CRISPLD1: variants seen among roughly 807,000 people sequenced by gnomAD.
CRISPLD1 encodes cysteine rich secretory protein LCCL domain containing 1.
Under a neutral mutation model 77.5 loss-of-function variants are expected in CRISPLD1, and 60 were observed. That is an observed-to-expected ratio of 0.77 (90% confidence interval 0.63 to 0.96). The LOEUF is 0.96. CRISPLD1 is among the 40% of genes least tolerant of loss of function. The pLI, the probability that CRISPLD1 is intolerant of heterozygous loss-of-function variation, is 0.00. For synonymous variants in CRISPLD1, 195 were observed against 200.1 expected, an observed-to-expected ratio of 0.97 and a Z score of 0.22; for missense variants, 623 against 615.8, an observed-to-expected ratio of 1.01 and a Z score of -0.12.
intron 2 of CRISPLD1, among the ~76,000 whole-genome samples, chr8:74,996,275 C>G (rs1002410999): frequency 6.6e-6 from 1 of 151,900 alleles, no homozygotes; most frequent in African/African-American, 2.4e-5. Flanking sequence ...TTAAAAGCTG[C>G]TTGTAAGGCT....
chr8:75,023,454 T>C lies in CRISPLD1; in HGVS notation c.1245-2092T>C, dbSNP rs187034500. 3.9e-3 allele frequency among the ~76,000 whole-genome samples: 592 copies of C among 152,346 alleles called. 6 individuals are homozygous for C. Among genetic ancestry groups the C allele is most frequent in the African/African-American group, 0.013 (553 of 41,578 alleles). On this transcript the variant is annotated intron_variant, in intron 12 of 14. Coordinates refer to ENST00000262207, the MANE Select transcript of CRISPLD1 (RefSeq NM_031461.6). ...CAATCAAGCCTTTAATTCAAAGTTA[T>C]AGAAACTCAGATGGATTTATTATAT...
chr8:75,014,207 G>A (rs1306680099), intron 5 of CRISPLD1, 105 bp downstream of exon 5: 2 of 718,670 alleles, frequency 2.8e-6, no homozygotes, highest in Admixed American at 2.6e-5. Context: ...TCACTGAAGT[G>A]TATTATTTTA....
chr8:75,014,976 T>C (rs1813003323), intron 6 of CRISPLD1, 64 bp downstream of exon 6: 1 of 1,139,560 alleles, frequency 8.8e-7, no homozygotes, highest in Middle Eastern at 2.0e-4. Context: ...CTGCATTACT[T>C]ATGTTTAAAA....
At chr8:75,020,145 T>A in intron 12 of CRISPLD1, 66 bp downstream of exon 12, 1 of 1,272,260 alleles carries the variant, frequency 7.9e-7, no homozygotes, top group African/African-American at 1.5e-5. Flanking sequence ...AATTCTGATG[T>A]CTCTGGGATT....
Position 75,014,880 on chromosome 8 carries a change from G to A in CRISPLD1, c.695G>A (p.Gly232Glu). 1 of 1,577,662 alleles carries A rather than the reference G, an allele frequency of 6.3e-7. No individual in the cohort carries two copies. The highest frequency in any genetic ancestry group is 8.6e-7 in the Non-Finnish European group (1 of 1,168,044). The change falls in exon 6 of 15, where the codon GGA (glycine) becomes GAA (glutamate). Residue 232 changes from glycine to glutamate, a missense_variant. By Grantham distance (98) the Gly-to-Glu change is moderately conservative (BLOSUM62 -2). Transcript: ENST00000262207. ...RPCSACPPSF[G>E]GGCRENLCYK... ...TGTTCTGCTTGCCCACCTAGTTTTG[G>A]AGGGGGCTGTAGAGAAAATCTGTGC...
intron 2 of CRISPLD1, among the ~76,000 whole-genome samples, chr8:74,995,763 A>AT (rs1563608113): frequency 2.0e-5 from 3 of 151,758 alleles, no homozygotes; most frequent in African/African-American, 7.2e-5. Flanking sequence ...TTCTTTGCAT[A>AT]ATTTTTTTGC....
intron 14 of CRISPLD1, among the ~76,000 whole-genome samples, chr8:75,031,555 A>G (rs1813346450): frequency 6.9e-6 from 1 of 144,880 alleles, no homozygotes; most frequent in Non-Finnish European, 1.5e-5. Context: ...TTTCAAAATG[A>G]GATTGAATGC....
At chr8:75,028,676 T>C (rs770629110) in intron 13 of CRISPLD1, among the ~76,000 whole-genome samples, 1 of 152,168 alleles carries the variant, frequency 6.6e-6, no homozygotes, top group Non-Finnish European at 1.5e-5. Context: ...TCCATAGAAA[T>C]CCCATTCAAT....
intron 2 of CRISPLD1, among the ~76,000 whole-genome samples, chr8:74,988,813 T>G (rs1812531782): frequency 6.6e-6 from 1 of 152,106 alleles, no homozygotes; most frequent in Non-Finnish European, 1.5e-5. Context: ...CCACCCTGGG[T>G]GACAGCGAGA....
intron 2 of CRISPLD1, among the ~76,000 whole-genome samples, chr8:74,992,772 A>G (rs1812591377): frequency 6.6e-6 from 1 of 152,180 alleles, no homozygotes; most frequent in Admixed American, 6.5e-5. Context: ...TCCTTTCGCT[A>G]GGCAACCAGA....
intron 12 of CRISPLD1, among the ~76,000 whole-genome samples, chr8:75,020,896 GA>G (rs1467777966): frequency 1.3e-5 from 2 of 151,930 alleles, no homozygotes; most frequent in African/African-American, 4.8e-5. Flanking sequence ...ATAAAATAAT[GA>G]AAAAAGCTTT....
At chr8:75,011,679 ATTAT>A (rs1027963155) in intron 2 of CRISPLD1, among the ~76,000 whole-genome samples, 3 of 151,976 alleles carry the variant, frequency 2.0e-5, no homozygotes, top group Non-Finnish European at 2.9e-5. Flanking sequence ...AGAATTTGTC[ATTAT>A]TTAATTTTAA....
intron 10 of CRISPLD1, 28 bp downstream of exon 10, chr8:75,017,478 A>G (rs1284582257): frequency 6.4e-7 from 1 of 1,561,686 alleles, no homozygotes; most frequent in Non-Finnish European, 8.6e-7. Flanking sequence ...CTTTTGGACC[A>G]GATAATTTTA....
intron 2 of CRISPLD1, chr8:75,000,320 C>T (rs1392757912): frequency 1.0e-6 from 1 of 985,272 alleles, no homozygotes; most frequent in East Asian, 1.1e-4. Context: ...AGAGGGGCAG[C>T]TCTTGAAGGA....
intron 2 of CRISPLD1, chr8:75,000,221 C>T (rs1460549166): frequency 1.0e-6 from 1 of 985,044 alleles, no homozygotes. Flanking sequence ...TATGCTTGGT[C>T]AAGACGTGTC....
chr8:74,987,609 A>T (rs1812515477), intron 2 of CRISPLD1, among the ~76,000 whole-genome samples: 1 of 152,212 alleles, frequency 6.6e-6, no homozygotes, highest in Non-Finnish European at 1.5e-5. Context: ...ACTGTGCAGG[A>T]TATGACATCT....
chr8:75,023,176 T>G (rs1813168961), intron 12 of CRISPLD1, among the ~76,000 whole-genome samples: 1 of 151,756 alleles, frequency 6.6e-6, no homozygotes, highest in African/African-American at 2.4e-5. Flanking sequence ...AGCAAAAAAC[T>G]TCCCCCAATC....
At chr8:75,024,659 G>T (rs988367508) in intron 12 of CRISPLD1, among the ~76,000 whole-genome samples, 7 of 152,154 alleles carry the variant, frequency 4.6e-5, no homozygotes, top group African/African-American at 1.7e-4. Context: ...ATGGAAAACA[G>T]ATTGGAGAGG....
At position 75,017,135 on chromosome 8, in the gene CRISPLD1, A is replaced by T. The variant is rs560563736; in HGVS notation, c.996+22A>T. The T allele has an allele frequency of 4.4e-6, 7 of 1,585,992 alleles. No individual in the cohort carries two copies. The East Asian group carries it at 1.6e-4, about 36-fold the overall frequency. On this transcript the variant is annotated intron_variant, in intron 9 of 14. Transcript: ENST00000262207. ...AATGGTAAGTGTTATAAATGTAATT[A>T]TTTGAGGATAGAGTCATTCCATGTA... is the stretch of plus-strand genomic sequence containing the variant.
Sources: gnomAD v4.1 joint callset for allele counts (sites outside exome capture counted in the v4.1 genomes callset) on GRCh38, gnomAD v4.1.1 for gene constraint, MANE v1.5 for transcripts, NCBI Gene and HGNC (gene_info 2026-07-23, HGNC 2026-07-21) for gene names.